The following CHSY1 variants were observed in gnomAD, a reference collection of about 807,000 sequenced individuals.
The protein encoded by CHSY1 is chondroitin sulfate synthase 1, also known as N-acetylgalactosaminyl-proteoglycan 3-beta-glucuronosyltransferase 1.
CHSY1 carries 13 observed loss-of-function variants against 59.8 expected under a neutral mutation model. The observed-to-expected ratio is 0.22, with a 90% CI of 0.14 to 0.35. The LOEUF is 0.35. Among genes scored for constraint, CHSY1 ranks in the 10% least tolerant of loss-of-function variants. The pLI is 1.00. For synonymous variants in CHSY1, 459 were observed against 401.2 expected, an observed-to-expected ratio of 1.14 and a Z score of -1.72; for missense variants, 947 against 1,030.6, an observed-to-expected ratio of 0.92 and a Z score of 1.11.
chr15:101,248,953 ATTTT>A (rs565187410), intron 1 of CHSY1, among the ~76,000 whole-genome samples: 8 of 111,444 alleles, frequency 7.2e-5, no homozygotes, highest in East Asian at 2.5e-4. Flanking sequence ...AGCCTGGCTA[ATTTT>A]TTTTTTTTTT....
chr15:101,250,811 T>C (rs2039100308), intron 1 of CHSY1, among the ~76,000 whole-genome samples: 2 of 152,228 alleles, frequency 1.3e-5, no homozygotes, highest in South Asian at 2.1e-4. Context: ...TCCAACATTA[T>C]GAGGGAGACC....
chr15:101,239,190 A>C (rs953012653), intron 1 of CHSY1, among the ~76,000 whole-genome samples: 2 of 152,276 alleles, frequency 1.3e-5, no homozygotes, highest in African/African-American at 4.8e-5. Context: ...AGAGGTCACT[A>C]AATGTGTGCA....
chr15:101,247,175 G>C (rs1265845144), intron 1 of CHSY1, among the ~76,000 whole-genome samples: 1 of 152,076 alleles, frequency 6.6e-6, no homozygotes, highest in Non-Finnish European at 1.5e-5. Context: ...GCCCCTTCTT[G>C]GGGCTCTTCT....
At chr15:101,233,293 G>T (rs1596451566) in intron 2 of CHSY1, among the ~76,000 whole-genome samples, 1 of 152,222 alleles carries the variant, frequency 6.6e-6, no homozygotes, top group East Asian at 1.9e-4. Flanking sequence ...TGGCTCTGTT[G>T]GTGTCTGTCC....
chr15:101,181,147 C>CT (rs1349842759), intron 2 of CHSY1, among the ~76,000 whole-genome samples: 1 of 152,194 alleles, frequency 6.6e-6, no homozygotes, highest in Admixed American at 6.5e-5. Flanking sequence ...TGTAACGTGA[C>CT]TTAAGTAACT....
intron 2 of CHSY1, among the ~76,000 whole-genome samples, chr15:101,219,152 A>G (rs973972770): frequency 5.9e-5 from 9 of 152,240 alleles, no homozygotes; most frequent in Admixed American, 2.0e-4. Flanking sequence ...TCTCTATACC[A>G]AAAGAATAAG....
At chr15:101,207,415 GCTAT>G (rs1475052038) in intron 2 of CHSY1, among the ~76,000 whole-genome samples, 2 of 152,094 alleles carry the variant, frequency 1.3e-5, no homozygotes, top group African/African-American at 4.8e-5. Flanking sequence ...CATGATGCTG[GCTAT>G]CTGTGAACAA....
chr15:101,211,231 G>C (rs1012126875), intron 2 of CHSY1, among the ~76,000 whole-genome samples: 3 of 152,188 alleles, frequency 2.0e-5, no homozygotes, highest in African/African-American at 7.2e-5. Context: ...GGCTGAGGCA[G>C]AAAAATCACT....
At chr15:101,222,623 C>G (rs2141267499) in intron 2 of CHSY1, among the ~76,000 whole-genome samples, 1 of 152,356 alleles carries the variant, frequency 6.6e-6, no homozygotes. Context: ...GTTTCCCGGT[C>G]TTTCCTTGCT....
intron 2 of CHSY1, among the ~76,000 whole-genome samples, chr15:101,230,801 ATTTCT>A (rs1350222657): frequency 5.9e-5 from 9 of 152,152 alleles, no homozygotes; most frequent in African/African-American, 1.9e-4. Context: ...CATATTTTTA[ATTTCT>A]TTTCAACTGG....
chr15:101,199,504 AAAAC>A (rs1046028300), intron 2 of CHSY1, among the ~76,000 whole-genome samples: 14 of 152,220 alleles, frequency 9.2e-5, no homozygotes, highest in African/African-American at 2.7e-4. Flanking sequence ...CTCCGTCTCA[AAAAC>A]AAACAAACGA....
chr15:101,247,145 A>T (rs1390889546), intron 1 of CHSY1, among the ~76,000 whole-genome samples: 1 of 152,138 alleles, frequency 6.6e-6, no homozygotes, highest in African/African-American at 2.4e-5. Flanking sequence ...ATGAAACTTT[A>T]CAAGACTGGA....
Position 101,251,283 on chromosome 15 carries a change from G to A in CHSY1, c.174C>T (p.Ala58=), listed in dbSNP as rs774824674. 1.3e-5 allele frequency: 17 copies of A among 1,260,092 alleles called. No homozygotes were observed. Among genetic ancestry groups the A allele is most frequent in the Non-Finnish European group, 1.7e-5 (17 of 1,006,698 alleles). The allele number at this position is 1,260,092 out of a possible 1,614,324, so 78.1% of individuals were successfully genotyped here. A position where few individuals can be genotyped will look rare whatever the true frequency, so the allele number is the denominator to read the frequency against. Residue 58 remains alanine, a synonymous_variant, in exon 1 of 3, where the codon GCC becomes GCT. Coordinates refer to ENST00000254190, the MANE Select transcript of CHSY1 (RefSeq NM_014918.5). ...CGCGCGCATCGCCGCGCGCCCCGCC[G>A]GCCTGGGAAGCCGCCGCCTGCCCGG... ...CRSGQAAASQ[A]GGARGDARGA... is the part of the protein sequence containing the mutation.
chr15:101,190,195 A>T (rs1489868881), intron 2 of CHSY1, among the ~76,000 whole-genome samples: 1 of 151,786 alleles, frequency 6.6e-6, no homozygotes, highest in Non-Finnish European at 1.5e-5. Context: ...TTCTTTCAAA[A>T]AAGAGGGTAA....
intron 2 of CHSY1, among the ~76,000 whole-genome samples, chr15:101,196,193 GTA>G (rs2038505042): frequency 6.8e-6 from 1 of 147,592 alleles, no homozygotes. Context: ...TCACAGCACT[GTA>G]CTCCAGCGTG....
intron 1 of CHSY1, among the ~76,000 whole-genome samples, chr15:101,248,659 C>T (rs1415444744): frequency 6.6e-6 from 1 of 152,166 alleles, no homozygotes; most frequent in Admixed American, 6.5e-5. Context: ...GAGATTAAGT[C>T]TTACATCCAG....
chr15:101,215,255 C>T (rs1310040707), intron 2 of CHSY1, among the ~76,000 whole-genome samples: 1 of 152,196 alleles, frequency 6.6e-6, no homozygotes, highest in Non-Finnish European at 1.5e-5. Flanking sequence ...TAGATAAAGA[C>T]TGTAAGTTAC....
rs1411496671 is a variant in CHSY1, at chr15:101,178,191, T to A, written c.1606A>T (p.Ile536Leu). Residue 536 changes from isoleucine to leucine, a missense_variant, in exon 3 of 3, where the codon ATA becomes TTA. Transcript: ENST00000254190. The part of the protein sequence containing the change: ...HKEPKDKKIN[I>L]LIPLSGRFDM... ...AAACGCCCAGACAAAGGAATCAGTATGTTTATCTTTTTATCTTTGGGTTCT... is the reference window on the plus strand; with the variant it reads ...AAACGCCCAGACAAAGGAATCAGTAAGTTTATCTTTTTATCTTTGGGTTCT... 1.2e-6 allele frequency: 2 copies of A among 1,614,088 alleles called. No individual in the cohort carries two copies. The highest frequency in any genetic ancestry group is 1.7e-6 in the Non-Finnish European group (2 of 1,180,042).
chr15:101,238,942 T>C (rs2038974452), intron 1 of CHSY1, among the ~76,000 whole-genome samples: 1 of 152,178 alleles, frequency 6.6e-6, no homozygotes, highest in South Asian at 2.1e-4. Context: ...AATGCGACAA[T>C]GTGTGAATGT....
Sources: allele counts gnomAD v4.1 joint callset (sites outside exome capture counted in the v4.1 genomes callset), GRCh38; gene constraint gnomAD v4.1.1; transcripts MANE v1.5; gene names NCBI Gene and HGNC (gene_info 2026-07-23, HGNC 2026-07-21).